HMBOX1: variants seen among roughly 807,000 people sequenced by gnomAD.
HMBOX1 encodes homeobox-containing protein 1.
Under a neutral mutation model 54.5 loss-of-function variants are expected in HMBOX1, and 14 were observed. The ratio of observed to expected loss-of-function variants is 0.26; its 90% confidence interval spans 0.17 to 0.40. HMBOX1 has a LOEUF of 0.40. Among genes scored for constraint, HMBOX1 ranks in the 10% least tolerant of loss-of-function variants. The pLI is 1.00. For missense variants in HMBOX1, 332 were observed against 514.4 expected (o/e 0.65, Z 3.43); for synonymous variants, 160 against 181.0 (o/e 0.88, Z 0.93).
chr8:28,943,115 A>G (rs1237057962), intron 1 of HMBOX1, among the ~76,000 whole-genome samples: 1 of 152,250 alleles, frequency 6.6e-6, no homozygotes, highest in Non-Finnish European at 1.5e-5. Flanking sequence ...GGAGAAAAAA[A>G]TAGGTTGTTG....
chr8:29,045,527 G>A (rs1351910545), intron 7 of HMBOX1, 84 bp downstream of exon 7: 24 of 1,067,890 alleles, frequency 2.2e-5, no homozygotes, highest in South Asian at 3.8e-5. Flanking sequence ...AATCTTATGC[G>A]TGCCTTGGCA....
In HMBOX1 at chr8:28,945,802, GT is replaced by G. The variant is rs919473255; in HGVS notation, c.-57-17998del. ...ATTCTCTGCCTTTCATGGGGAAAAG[GT>G]TTTTTTTTTTCCACTTTTTGAAGTA... On this transcript the variant is annotated intron_variant, in intron 1 of 9. Transcript: ENST00000287701. 4.9e-3 allele frequency among the ~76,000 whole-genome samples: 719 copies of G among 145,910 alleles called. 3 individuals are homozygous for G. The highest frequency in any genetic ancestry group is 7.3e-3 in the Non-Finnish European group (481 of 65,956).
chr8:28,965,723 A>G (rs1442391674), intron 2 of HMBOX1, among the ~76,000 whole-genome samples: 1 of 152,186 alleles, frequency 6.6e-6, no homozygotes, highest in African/African-American at 2.4e-5. Flanking sequence ...GGTTTTGGAG[A>G]AGCTGCTGAC....
intron 4 of HMBOX1, among the ~76,000 whole-genome samples, chr8:28,993,723 G>A (rs1450730237): frequency 6.6e-6 from 1 of 151,954 alleles, no homozygotes; most frequent in African/African-American, 2.4e-5. Flanking sequence ...AATCTGTACC[G>A]GCCAGATTCA....
At chr8:28,981,746 A>G (rs1436516598) in intron 4 of HMBOX1, among the ~76,000 whole-genome samples, 1 of 152,196 alleles carries the variant, frequency 6.6e-6, no homozygotes, top group Non-Finnish European at 1.5e-5. Flanking sequence ...TCATAGTAAC[A>G]TATGTTTAAA....
rs1307480782 is a variant in HMBOX1 at position 28,961,448 on chromosome 8, A to G, written c.-57-2363A>G. The stretch of plus-strand genomic sequence containing the variant: ...ACTCTAGGTACCTCATGTAAATGGA[A>G]TCATATAATATTTGACCTTTTGTGA... On this transcript the variant is annotated intron_variant, in intron 1 of 9. Transcript: ENST00000287701. Among the ~76,000 whole-genome samples the G allele has an allele frequency of 2.6e-5, 4 of 152,320 alleles. No individual in the cohort carries two copies. In the East Asian group the frequency reaches 7.7e-4, roughly 29 times the overall value.
At chr8:28,986,871 A>T (rs1408187643) in intron 4 of HMBOX1, among the ~76,000 whole-genome samples, 2 of 151,918 alleles carry the variant, frequency 1.3e-5, no homozygotes, top group Non-Finnish European at 2.9e-5. Flanking sequence ...TTTTCCCCTC[A>T]GGAAAAAAAC....
In HMBOX1 at chr8:28,939,057, AG is replaced by A. The variant is rs532862135; in HGVS notation, c.-57-24752del. 2.1e-3 allele frequency among the ~76,000 whole-genome samples: 317 copies of A among 152,230 alleles called. 1 individual carries two copies. Among genetic ancestry groups the A allele is most frequent in the African/African-American group, 7.3e-3 (305 of 41,554 alleles). ...GTAATCCCAGCCCTTTGGGAGGCTG[AG>A]GTGGGCGGATCACCTGAGGTCAAGA... On this transcript the variant is annotated intron_variant, in intron 1 of 9. Coordinates refer to ENST00000287701, the MANE Select transcript of HMBOX1 (RefSeq NM_001135726.3).
chr8:28,978,504 T>A (rs900425707), intron 3 of HMBOX1, among the ~76,000 whole-genome samples: 1 of 152,104 alleles, frequency 6.6e-6, no homozygotes, highest in Non-Finnish European at 1.5e-5. Flanking sequence ...AGACGTAGGC[T>A]GGGCGCTACT....
intron 6 of HMBOX1, among the ~76,000 whole-genome samples, chr8:29,021,069 G>C (rs569350376): frequency 8.1e-4 from 123 of 152,282 alleles, no homozygotes; most frequent in African/African-American, 2.8e-3. Context: ...TAGCTACTCA[G>C]GAGGCTGACA....
intron 1 of HMBOX1, among the ~76,000 whole-genome samples, chr8:28,947,563 G>T (rs1379297157): frequency 6.6e-6 from 1 of 152,134 alleles, no homozygotes; most frequent in Non-Finnish European, 1.5e-5. Context: ...GTACAATTTA[G>T]TGGATGCTGG....
chr8:28,973,810 T>G (rs1287761463), intron 3 of HMBOX1, among the ~76,000 whole-genome samples: 1 of 20,734 alleles, frequency 4.8e-5, no homozygotes, highest in African/African-American at 2.3e-4. Context: ...GGAGTTTTTT[T>G]TTTTTTTTTT....
At chr8:28,903,455 A>G (rs1038947392) in intron 1 of HMBOX1, among the ~76,000 whole-genome samples, 4 of 152,250 alleles carry the variant, frequency 2.6e-5, no homozygotes, top group Non-Finnish European at 4.4e-5. Flanking sequence ...TCGTGCCACT[A>G]TTCCAACCAT....
At chr8:28,979,190 G>GA (rs1327340103) in intron 3 of HMBOX1, among the ~76,000 whole-genome samples, 2 of 152,146 alleles carry the variant, frequency 1.3e-5, no homozygotes. Flanking sequence ...TAATCCTTTT[G>GA]AAAATAAAGC....
chr8:29,015,974 A>G (rs1056348205), intron 5 of HMBOX1, among the ~76,000 whole-genome samples: 1 of 152,254 alleles, frequency 6.6e-6, no homozygotes, highest in African/African-American at 2.4e-5. Flanking sequence ...TCTCTAAAGC[A>G]TTATATGATG....
chr8:29,050,063 C>A (rs1385451118), intron 9 of HMBOX1: 1 of 174,046 alleles, frequency 5.7e-6, no homozygotes, highest in Non-Finnish European at 1.1e-5. Context: ...TTAATAGCCC[C>A]AAGAGAATAT....
chr8:28,927,760 G>A (rs1818789730), intron 1 of HMBOX1, among the ~76,000 whole-genome samples: 1 of 147,904 alleles, frequency 6.8e-6, no homozygotes, highest in South Asian at 2.1e-4. Context: ...CTCATTTTGG[G>A]AGGCCAAGGT....
intron 3 of HMBOX1, among the ~76,000 whole-genome samples, chr8:28,972,201 A>G (rs1827548734): frequency 6.6e-6 from 1 of 152,114 alleles, no homozygotes; most frequent in Admixed American, 6.6e-5. Flanking sequence ...TTACAGTTAC[A>G]AGTCATTGTT....
intron 1 of HMBOX1, among the ~76,000 whole-genome samples, chr8:28,958,432 A>G (rs1355595882): frequency 6.6e-6 from 1 of 152,206 alleles, no homozygotes; most frequent in African/African-American, 2.4e-5. Context: ...TTACTTATAA[A>G]GGATTTAGTG....
Sources: allele counts gnomAD v4.1 joint callset (sites outside exome capture counted in the v4.1 genomes callset), GRCh38; gene constraint gnomAD v4.1.1; transcripts MANE v1.5; gene names NCBI Gene and HGNC (gene_info 2026-07-23, HGNC 2026-07-21).